Variants in MCUB observed in about 807,000 individuals in gnomAD.
MCUB encodes the protein calcium uniporter regulatory subunit MCUb, mitochondrial.
Under a neutral mutation model 41.4 loss-of-function variants are expected in MCUB, and 46 were observed. The observed-to-expected ratio is 1.11, with a 90% CI of 0.88 to 1.42. MCUB has a LOEUF of 1.42. Ranked by LOEUF, MCUB falls within the 40% of genes most tolerant of loss-of-function variation. The pLI is 0.00. For missense variants in MCUB, 403 were observed against 404.9 expected, an observed-to-expected ratio of 1.00 and a Z score of 0.04; for synonymous variants, 148 against 148.2, an observed-to-expected ratio of 1.00 and a Z score of 0.01.
chr4:109,588,183 G>A (rs747714321), intron 1 of MCUB, among the ~76,000 whole-genome samples: 31 of 152,192 alleles, frequency 2.0e-4, no homozygotes, highest in Non-Finnish European at 3.7e-4. Flanking sequence ...GGCAAGGTAG[G>A]ATTGTGGCTG....
intron 4 of MCUB, among the ~76,000 whole-genome samples, chr4:109,668,633 T>C (rs1198058745): frequency 6.6e-6 from 1 of 152,052 alleles, no homozygotes; most frequent in Non-Finnish European, 1.5e-5. Flanking sequence ...CCATTGACAT[T>C]CAAATTGATT....
chr4:109,613,118 A>T (rs1728055095), intron 1 of MCUB, among the ~76,000 whole-genome samples: 1 of 152,188 alleles, frequency 6.6e-6, no homozygotes, highest in Non-Finnish European at 1.5e-5. Context: ...AAAAGAAAAA[A>T]AAGAATACAG....
At chr4:109,631,644 G>C in intron 1 of MCUB, among the ~76,000 whole-genome samples, 1 of 152,170 alleles carries the variant, frequency 6.6e-6, no homozygotes, top group South Asian at 2.1e-4. Context: ...TCTTTGCCCT[G>C]CTTTGTGATA....
At position 109,656,990 on chromosome 4, in the gene MCUB, C is replaced by T. The variant is rs139313840; in HGVS notation, c.100-2021C>T. ...ATCCCAGCGCTTCGGGAGGCCGAGG[C>T]AGGCTGATCACAAGTTCAGGAGTTT... On this transcript the variant is annotated intron_variant, in intron 1 of 7. Transcript: ENST00000394650. Among the ~76,000 whole-genome samples, 1,129 of 152,202 alleles carry T rather than the reference C, an allele frequency of 7.4e-3. 26 individuals are homozygous for T. The highest frequency in any genetic ancestry group is 0.06 in the South Asian group (290 of 4,822).
chr4:109,560,382 G>A lies in MCUB; in HGVS notation c.45G>A (p.Pro15=). The part of the protein sequence containing the change: ...GLWPWRTRLL[P]TPGTWRPARP... ...GGCCGTGGCGCACGCGGCTGCTGCC[G>A]ACCCCTGGCACCTGGCGCCCAGCGC... Residue 15 remains proline, a synonymous_variant, in exon 1 of 8, where the codon CCG becomes CCA. Coordinates refer to ENST00000394650, the MANE Select transcript of MCUB (RefSeq NM_017918.5). 1 of 1,332,022 alleles carries A rather than the reference G, an allele frequency of 7.5e-7. No homozygotes were observed. Among genetic ancestry groups the A allele is most frequent in the Non-Finnish European group, 9.6e-7 (1 of 1,041,178 alleles). 82.5% of individuals were successfully genotyped at this position (1,332,022 alleles called of 1,614,324 possible). A position where few individuals can be genotyped will look rare whatever the true frequency, so the allele number is the denominator to read the frequency against.
At position 109,687,612 on chromosome 4, in the gene MCUB, G is replaced by A. The variant is rs761571574; in HGVS notation, c.*20G>A. The A allele has an allele frequency of 4.0e-5, 61 of 1,531,594 alleles. No individual in the cohort carries two copies. Among genetic ancestry groups the A allele is most frequent in the African/African-American group, 2.6e-4 (19 of 72,900 alleles). 94.9% of individuals were successfully genotyped at this position (1,531,594 alleles called of 1,614,324 possible). ...AATTAATCTTACAGTTTTAAATGTC[G>A]TCAGATTTTCCATTATGTATTGATT... is the stretch of plus-strand genomic sequence containing the variant. On this transcript the variant is annotated 3_prime_UTR_variant, in exon 8 of 8. Coordinates refer to ENST00000394650, the MANE Select transcript of MCUB (RefSeq NM_017918.5).
chr4:109,655,171 G>GT (rs1266071567), intron 1 of MCUB, among the ~76,000 whole-genome samples: 1 of 152,220 alleles, frequency 6.6e-6, no homozygotes, highest in African/African-American at 2.4e-5. Context: ...CAGCTAAACT[G>GT]TTGGATTAAG....
intron 1 of MCUB, among the ~76,000 whole-genome samples, chr4:109,631,306 C>T (rs1728470040): frequency 1.3e-5 from 2 of 152,174 alleles, no homozygotes; most frequent in Admixed American, 1.3e-4. Context: ...GAGCTTTACT[C>T]ATCTCTCATG....
At chr4:109,581,333 A>G (rs1413056467) in intron 1 of MCUB, among the ~76,000 whole-genome samples, 3 of 152,248 alleles carry the variant, frequency 2.0e-5, no homozygotes, top group African/African-American at 7.2e-5. Context: ...AGCCATATGT[A>G]GAAAGCTGAA....
intron 7 of MCUB, among the ~76,000 whole-genome samples, chr4:109,687,201 C>CA (rs996455231): frequency 6.6e-6 from 1 of 151,632 alleles, no homozygotes; most frequent in Non-Finnish European, 1.5e-5. Context: ...CAAAAAATAC[C>CA]AAAAAATATT....
At chr4:109,622,298 A>G (rs1728265689) in intron 1 of MCUB, among the ~76,000 whole-genome samples, 1 of 152,232 alleles carries the variant, frequency 6.6e-6, no homozygotes, top group African/African-American at 2.4e-5. Flanking sequence ...TCTGTTCTCT[A>G]CATTGTCTCT....
chr4:109,582,444 G>A (rs1727202993), intron 1 of MCUB, among the ~76,000 whole-genome samples: 1 of 150,584 alleles, frequency 6.6e-6, no homozygotes, highest in Non-Finnish European at 1.5e-5. Context: ...AGTAAAGGGT[G>A]CAGCACACCA....
At chr4:109,607,198 C>T (rs1727899009) in intron 1 of MCUB, among the ~76,000 whole-genome samples, 2 of 142,374 alleles carry the variant, frequency 1.4e-5, no homozygotes, top group South Asian at 5.1e-4. Context: ...TCTTATTGCT[C>T]ATTAACATCC....
intron 1 of MCUB, among the ~76,000 whole-genome samples, chr4:109,566,479 A>AT (rs1554014933): frequency 7.7e-5 from 11 of 143,500 alleles, no homozygotes; most frequent in African/African-American, 2.8e-4. Context: ...CAAAAAAAAA[A>AT]AAATAAATAA....
chr4:109,630,345 G>A (rs1288303132), intron 1 of MCUB, among the ~76,000 whole-genome samples: 1 of 151,992 alleles, frequency 6.6e-6, no homozygotes, highest in Non-Finnish European at 1.5e-5. Flanking sequence ...GCCTGTAGTC[G>A]CAGCTACTCA....
intron 1 of MCUB, among the ~76,000 whole-genome samples, chr4:109,581,231 A>C (rs2126126669): frequency 6.6e-6 from 1 of 152,300 alleles, no homozygotes; most frequent in East Asian, 1.9e-4. Context: ...AATGCCGCAT[A>C]ACTACAACTA....
intron 4 of MCUB, among the ~76,000 whole-genome samples, chr4:109,675,404 C>G (rs965033653): frequency 1.4e-4 from 22 of 152,216 alleles, no homozygotes; most frequent in Admixed American, 3.3e-4. Flanking sequence ...AACACTGCCC[C>G]CCTCACACCA....
At chr4:109,609,887 G>A (rs77056536) in intron 1 of MCUB, among the ~76,000 whole-genome samples, 1,852 of 152,286 alleles carry the variant, frequency 0.012, 25 homozygotes, top group Non-Finnish European at 0.019. Context: ...GGCGAAGCAG[G>A]TCCAGAGATG....
chr4:109,656,625 C>T (rs773031933), intron 1 of MCUB, among the ~76,000 whole-genome samples: 7 of 152,128 alleles, frequency 4.6e-5, no homozygotes, highest in Non-Finnish European at 7.4e-5. Flanking sequence ...TCTGCCTCAG[C>T]CTCCCAAAGT....
Sources: gnomAD v4.1 joint callset for allele counts (sites outside exome capture counted in the v4.1 genomes callset) on GRCh38, gnomAD v4.1.1 for gene constraint, MANE v1.5 for transcripts, NCBI Gene and HGNC (gene_info 2026-07-23, HGNC 2026-07-21) for gene names.